ZNF804B: variants seen among roughly 807,000 people sequenced by gnomAD.
The protein encoded by ZNF804B is zinc finger 804B.
A neutral mutation model predicts 101.4 loss-of-function variants in ZNF804B; 80 were observed. The observed-to-expected ratio is 0.79, with a 90% CI of 0.66 to 0.95. ZNF804B has a LOEUF of 0.95. Ranked by LOEUF, ZNF804B falls within the 40% of genes least tolerant of loss-of-function variation. The pLI is 0.00. For synonymous variants in ZNF804B, 622 were observed against 558.8 expected (o/e 1.11, Z -1.59); for missense variants, 1,673 against 1,561.9 (o/e 1.07, Z -1.20).
In ZNF804B at chr7:89,276,559, G is replaced by A. The variant is rs964095516; in HGVS notation, c.250-50785G>A. 3.3e-5 allele frequency among the ~76,000 whole-genome samples: 5 copies of A among 151,708 alleles called. 1 individual carries two copies. The highest frequency in any genetic ancestry group is 1.2e-4 in the African/African-American group (5 of 41,128). On this transcript the variant is annotated intron_variant, in intron 2 of 3. Transcript: ENST00000333190. ...TCTGAGATAAATTATGAGATAAATT[G>A]AAAATATATTTTAAAATGCTATTTT... is the stretch of plus-strand genomic sequence containing the variant.
intron 1 of ZNF804B, among the ~76,000 whole-genome samples, chr7:88,956,786 G>T (rs1305983128): frequency 6.6e-6 from 1 of 151,314 alleles, no homozygotes; most frequent in Non-Finnish European, 1.5e-5. Context: ...AAATCATATT[G>T]GTAAGACTCC....
chr7:89,272,570 A>G (rs1248316799), intron 2 of ZNF804B, among the ~76,000 whole-genome samples: 2 of 152,082 alleles, frequency 1.3e-5, no homozygotes, highest in African/African-American at 4.8e-5. Flanking sequence ...CAACAGATAC[A>G]TTCTCAAAAT....
chr7:89,299,944 A>C (rs977413003), intron 2 of ZNF804B, among the ~76,000 whole-genome samples: 1 of 151,904 alleles, frequency 6.6e-6, no homozygotes, highest in African/African-American at 2.4e-5. Flanking sequence ...TCAAAAGTGC[A>C]AATAGATCCC....
At chr7:88,873,993 C>G (rs1158112202) in intron 1 of ZNF804B, among the ~76,000 whole-genome samples, 1 of 152,074 alleles carries the variant, frequency 6.6e-6, no homozygotes, top group Non-Finnish European at 1.5e-5. Flanking sequence ...GTAGTTTTTT[C>G]CAGTTCTGGG....
At chr7:89,154,842 A>G (rs998823363) in intron 1 of ZNF804B, among the ~76,000 whole-genome samples, 5 of 152,110 alleles carry the variant, frequency 3.3e-5, no homozygotes, top group Non-Finnish European at 7.4e-5. Flanking sequence ...TAATCAATAT[A>G]CATTTAAAAA....
At chr7:88,956,835 T>C (rs960660495) in intron 1 of ZNF804B, among the ~76,000 whole-genome samples, 1 of 151,476 alleles carries the variant, frequency 6.6e-6, no homozygotes, top group Non-Finnish European at 1.5e-5. Context: ...GTACAAATGC[T>C]AGCAACTCTA....
intron 1 of ZNF804B, among the ~76,000 whole-genome samples, chr7:88,856,254 C>A (rs1401125464): frequency 6.6e-6 from 1 of 152,224 alleles, no homozygotes; most frequent in East Asian, 1.9e-4. Context: ...AATGTTCTTC[C>A]ATTTGTTTGT....
At position 89,048,203 on chromosome 7, in the gene ZNF804B, A is replaced by AACACACACACAC. The variant is rs140428820; in HGVS notation, c.109-169940_109-169929dup. On this transcript the variant is annotated intron_variant, in intron 1 of 3. Transcript: ENST00000333190. ...TTAGTGAGAACATATGATGTTCACA[A>AACACACACACAC]ACACACACACACACACACACACAAT... 8.4e-3 allele frequency among the ~76,000 whole-genome samples: 1,255 copies of AACACACACACAC among 149,800 alleles called. 35 individuals are homozygous for AACACACACACAC. The highest frequency in any genetic ancestry group is 0.03 in the African/African-American group (1,206 of 40,288).
intron 1 of ZNF804B, among the ~76,000 whole-genome samples, chr7:89,145,345 G>C (rs552352731): frequency 1.9e-4 from 29 of 152,068 alleles, no homozygotes; most frequent in Non-Finnish European, 3.8e-4. Context: ...GCTATTTCTT[G>C]ATAAGACAAT....
chr7:89,004,468 A>G (rs951122719), intron 1 of ZNF804B, among the ~76,000 whole-genome samples: 7 of 151,904 alleles, frequency 4.6e-5, no homozygotes, highest in Admixed American at 3.9e-4. Context: ...GTTGATTTAA[A>G]TAGTTTCTGG....
chr7:89,060,619 A>G (rs1426202376), intron 1 of ZNF804B, among the ~76,000 whole-genome samples: 1 of 152,160 alleles, frequency 6.6e-6, no homozygotes, highest in Non-Finnish European at 1.5e-5. Flanking sequence ...CAAGTTATTT[A>G]ATCATATATT....
Position 89,285,320 on chromosome 7 carries a change from A to T in ZNF804B, c.250-42024A>T, listed in dbSNP as rs142549261. 8.6e-3 allele frequency among the ~76,000 whole-genome samples: 1,301 copies of T among 151,728 alleles called. 21 individuals carry two copies. The highest frequency in any genetic ancestry group is 0.029 in the African/African-American group (1,200 of 41,386). On this transcript the variant is annotated intron_variant, in intron 2 of 3. Transcript: ENST00000333190. The stretch of plus-strand genomic sequence containing the variant: ...GGTGGATCATGAGGTCAGGAGATCG[A>T]GACCATCCTGACTAACACGATGAAA...
At chr7:88,851,810 CAT>C (rs1399157435) in intron 1 of ZNF804B, among the ~76,000 whole-genome samples, 11 of 151,992 alleles carry the variant, frequency 7.2e-5, no homozygotes, top group Non-Finnish European at 4.4e-5. Context: ...GAATTTATAA[CAT>C]ATGCAGAATT....
At chr7:89,089,242 ATTC>A (rs1403100747) in intron 1 of ZNF804B, among the ~76,000 whole-genome samples, 2 of 151,952 alleles carry the variant, frequency 1.3e-5, no homozygotes, top group Non-Finnish European at 2.9e-5. Flanking sequence ...TGAACAAGGA[ATTC>A]TTCAGTGTTA....
intron 1 of ZNF804B, among the ~76,000 whole-genome samples, chr7:89,112,499 C>T (rs181382277): frequency 2.6e-5 from 4 of 152,242 alleles, no homozygotes; most frequent in East Asian, 1.9e-4. Flanking sequence ...TTTGCCATTA[C>T]CACATTGTCT....
chr7:89,064,609 C>T (rs894957335), intron 1 of ZNF804B, among the ~76,000 whole-genome samples: 2 of 152,094 alleles, frequency 1.3e-5, no homozygotes, highest in Admixed American at 1.3e-4. Context: ...AAATCCTGAT[C>T]CTTTCCCCCT....
chr7:89,064,378 G>A (rs974929588), intron 1 of ZNF804B, among the ~76,000 whole-genome samples: 1 of 152,084 alleles, frequency 6.6e-6, no homozygotes, highest in Non-Finnish European at 1.5e-5. Flanking sequence ...GAAGCTGCTC[G>A]GTATAACCCG....
intron 1 of ZNF804B, among the ~76,000 whole-genome samples, chr7:89,114,683 T>G (rs941422827): frequency 3.3e-5 from 5 of 152,046 alleles, no homozygotes; most frequent in Non-Finnish European, 7.4e-5. Context: ...AAAAACAGAA[T>G]AGAGGAAAAA....
chr7:89,084,383 G>A (rs1012167062), intron 1 of ZNF804B, among the ~76,000 whole-genome samples: 3 of 151,950 alleles, frequency 2.0e-5, no homozygotes, highest in African/African-American at 7.2e-5. Flanking sequence ...AAATGGTACA[G>A]TGTAAACCAT....
Sources: allele counts gnomAD v4.1 joint callset (sites outside exome capture counted in the v4.1 genomes callset), GRCh38; gene constraint gnomAD v4.1.1; transcripts MANE v1.5; gene names NCBI Gene and HGNC (gene_info 2026-07-23, HGNC 2026-07-21).